Variants in GABRA5 observed in about 807,000 individuals in gnomAD.
GABRA5 encodes the protein gamma-aminobutyric acid type A receptor subunit alpha5.
A neutral mutation model predicts 47.3 loss-of-function variants in GABRA5; 18 were observed. The observed-to-expected ratio is 0.38, with a 90% CI of 0.26 to 0.56. The LOEUF is 0.56. Among genes scored for constraint, GABRA5 ranks in the 20% least tolerant of loss-of-function variants. GABRA5 has a pLI of 0.71. For missense variants in GABRA5, 365 were observed against 599.3 expected (o/e 0.61, Z 4.08); for synonymous variants, 237 against 229.3 (o/e 1.03, Z -0.30).
At chr15:26,897,003 T>A (rs1394535063) in intron 6 of GABRA5, among the ~76,000 whole-genome samples, 1 of 148,974 alleles carries the variant, frequency 6.7e-6, no homozygotes, top group Non-Finnish European at 1.5e-5. Flanking sequence ...GAGAAAAAAA[T>A]CTCTACATCT....
chr15:26,907,891 T>A (rs1466097486), intron 6 of GABRA5, among the ~76,000 whole-genome samples: 4 of 152,208 alleles, frequency 2.6e-5, no homozygotes, highest in Non-Finnish European at 5.9e-5. Flanking sequence ...TGGTACATCG[T>A]GATACTGACT....
chr15:26,892,610 A>C (rs1453991752), intron 6 of GABRA5, among the ~76,000 whole-genome samples: 1 of 152,268 alleles, frequency 6.6e-6, no homozygotes, highest in Non-Finnish European at 1.5e-5. Context: ...ATCTAGCAGG[A>C]AACTAATACC....
chr15:26,895,442 G>T lies in GABRA5; in HGVS notation c.497+11885G>T, dbSNP rs142100673. On this transcript the variant is annotated intron_variant, in intron 6 of 10. Coordinates refer to ENST00000335625, the MANE Select transcript of GABRA5 (RefSeq NM_000810.4). ...TGCAATCCGAACTCCGTCACTAACA[G>T]TGTGACTTGGGAGAAGTTATCCAAC... Among the ~76,000 whole-genome samples the T allele has an allele frequency of 5.9e-3, 898 of 152,158 alleles. 13 individuals carry two copies. Among genetic ancestry groups the T allele is most frequent in the African/African-American group, 0.021 (865 of 41,474 alleles).
intron 7 of GABRA5, among the ~76,000 whole-genome samples, chr15:26,916,727 G>T (rs971422346): frequency 6.6e-6 from 1 of 151,920 alleles, no homozygotes; most frequent in Non-Finnish European, 1.5e-5. Flanking sequence ...CCATTTGTTT[G>T]TGTTTTCTTT....
chr15:26,941,090 G>A (rs1241150940), intron 9 of GABRA5, among the ~76,000 whole-genome samples: 1 of 152,190 alleles, frequency 6.6e-6, no homozygotes, highest in East Asian at 1.9e-4. Context: ...GAGTGGCACA[G>A]GGGTGCTCCC....
chr15:26,939,337 C>T, intron 8 of GABRA5: 1 of 765,308 alleles, frequency 1.3e-6, no homozygotes. Context: ...TGGGGCATCG[C>T]CAATGAAATG....
intron 7 of GABRA5, among the ~76,000 whole-genome samples, chr15:26,934,818 C>T (rs964321915): frequency 3.9e-5 from 6 of 152,162 alleles, no homozygotes; most frequent in African/African-American, 1.2e-4. Context: ...TGTGCCACTG[C>T]CACCTCCCAC....
chr15:26,920,034 T>C (rs985042101), intron 7 of GABRA5, among the ~76,000 whole-genome samples: 22 of 152,172 alleles, frequency 1.4e-4, no homozygotes, highest in African/African-American at 5.3e-4. Context: ...GAAAATTCTT[T>C]CTTTGACTTT....
chr15:26,907,309 G>A (rs1237395137), intron 6 of GABRA5, among the ~76,000 whole-genome samples: 1 of 152,192 alleles, frequency 6.6e-6, no homozygotes, highest in Non-Finnish European at 1.5e-5. Context: ...TAAAATTTCA[G>A]TAATACCCTA....
intron 7 of GABRA5, among the ~76,000 whole-genome samples, chr15:26,920,440 G>T (rs549746665): frequency 1.1e-4 from 16 of 151,738 alleles, no homozygotes; most frequent in African/African-American, 3.4e-4. Flanking sequence ...CTTTAACTCC[G>T]TGATTTCTTT....
chr15:26,889,038 C>T (rs1892944150), intron 6 of GABRA5, among the ~76,000 whole-genome samples: 1 of 152,228 alleles, frequency 6.6e-6, no homozygotes, highest in South Asian at 2.1e-4. Flanking sequence ...AGAATGTTGA[C>T]ATTTTTACAT....
Position 26,948,215 on chromosome 15 carries a change from A to G in GABRA5, c.1371A>G (p.Gly457=), listed in dbSNP as rs1461361009. The G allele has an allele frequency of 6.2e-7, 1 of 1,611,830 alleles. No individual in the cohort carries two copies. The highest frequency in any genetic ancestry group is 8.5e-7 in the Non-Finnish European group (1 of 1,179,436). The change falls in exon 11 of 11, where the codon GGA becomes GGG. Residue 457 remains glycine, a synonymous_variant. Transcript: ENST00000335625. ...TGAATAGGGAGCCGGTGATAAAAGG[A>G]GCCGCCTCTCCAAAATAACCGGCCA... ...TYLNREPVIK[G]AASPK is the part of the protein sequence containing the mutation.
At chr15:26,944,496 A>T (rs1240975747) in intron 10 of GABRA5, among the ~76,000 whole-genome samples, 1 of 152,146 alleles carries the variant, frequency 6.6e-6, no homozygotes, top group Non-Finnish European at 1.5e-5. Context: ...TGAAGGGAGG[A>T]AAGGGGAAAC....
intron 6 of GABRA5, among the ~76,000 whole-genome samples, chr15:26,892,807 A>C (rs543661043): frequency 5.3e-5 from 8 of 151,974 alleles, no homozygotes; most frequent in Non-Finnish European, 1.2e-4. Flanking sequence ...GGGGCAGGAG[A>C]GGTCTGGGCG....
chr15:26,891,842 G>A (rs537376301), intron 6 of GABRA5, among the ~76,000 whole-genome samples: 12 of 152,300 alleles, frequency 7.9e-5, no homozygotes, highest in African/African-American at 2.9e-4. Context: ...CCCGGCCAGC[G>A]GGGAAAAGTG....
rs576957822 is a variant in GABRA5, at chr15:26,914,389, C to T, written c.498-414C>T. 1.2e-4 allele frequency among the ~76,000 whole-genome samples: 19 copies of T among 152,210 alleles called. No homozygotes were observed. In the South Asian group the frequency reaches 1.9e-3, roughly 15 times the overall value. ...TTTTTCTGTATTTTCCCATATTCTA[C>T]GAATATATGTGCATTTATTCTACAT... On this transcript the variant is annotated intron_variant, in intron 6 of 10. Coordinates refer to ENST00000335625, the MANE Select transcript of GABRA5 (RefSeq NM_000810.4).
chr15:26,878,236 G>A (rs926679055), intron 3 of GABRA5, among the ~76,000 whole-genome samples: 1 of 152,224 alleles, frequency 6.6e-6, no homozygotes, highest in African/African-American at 2.4e-5. Flanking sequence ...GCAAGCTGAA[G>A]TTCCTCCTTA....
At chr15:26,880,253 G>A (rs1246284993) in intron 3 of GABRA5, among the ~76,000 whole-genome samples, 1 of 152,162 alleles carries the variant, frequency 6.6e-6, no homozygotes, top group African/African-American at 2.4e-5. Context: ...AATGTGTTGT[G>A]AGCTGGCACA....
chr15:26,936,631 C>T (rs1400025797), intron 7 of GABRA5, among the ~76,000 whole-genome samples: 1 of 152,198 alleles, frequency 6.6e-6, no homozygotes. Context: ...GGGTGCAGGT[C>T]CTGCTTGCCA....
Sources: allele counts gnomAD v4.1 joint callset (sites outside exome capture counted in the v4.1 genomes callset), GRCh38; gene constraint gnomAD v4.1.1; transcripts MANE v1.5; gene names NCBI Gene and HGNC (gene_info 2026-07-23, HGNC 2026-07-21).